The following CDH13 variants were observed in gnomAD, a reference collection of about 807,000 sequenced individuals.
CDH13 encodes cadherin 13.
A neutral mutation model predicts 63.8 loss-of-function variants in CDH13; 24 were observed. The ratio of observed to expected loss-of-function variants is 0.38; its 90% CI spans 0.27 to 0.53. The LOEUF (loss-of-function observed/expected upper bound fraction) is 0.53. CDH13 is among the 20% of genes least tolerant of loss of function. The probability of loss-of-function intolerance (pLI) is 0.85; values close to 1 mark genes in which losing one functional copy is unlikely to be tolerated. For synonymous variants in CDH13, 503 were observed against 355.3 expected (o/e 1.42, Z -4.67); for missense variants, 1,049 against 903.1 (o/e 1.16, Z -2.07).
At chr16:82,833,886 G>A (rs1417013477) in intron 1 of CDH13, among the ~76,000 whole-genome samples, 1 of 152,158 alleles carries the variant, frequency 6.6e-6, no homozygotes, top group Non-Finnish European at 1.5e-5. Flanking sequence ...TGTGAGCCCA[G>A]AGCAGATGCA....
At chr16:83,041,263 G>A (rs908079854) in intron 3 of CDH13, among the ~76,000 whole-genome samples, 4 of 152,074 alleles carry the variant, frequency 2.6e-5, no homozygotes, top group African/African-American at 9.7e-5. Flanking sequence ...AAGAAGAAAA[G>A]TTATGACAGA....
At chr16:83,622,736 T>C (rs1257868940) in intron 8 of CDH13, among the ~76,000 whole-genome samples, 2 of 152,162 alleles carry the variant, frequency 1.3e-5, no homozygotes, top group Non-Finnish European at 2.9e-5. Flanking sequence ...GTTACTGCAG[T>C]TTCAGAATCA....
chr16:83,367,718 G>C (rs1012109546), intron 6 of CDH13, among the ~76,000 whole-genome samples: 17 of 152,114 alleles, frequency 1.1e-4, no homozygotes, highest in African/African-American at 4.1e-4. Context: ...TTGTGGTTTT[G>C]ATCTGATTTC....
intron 7 of CDH13, among the ~76,000 whole-genome samples, chr16:83,529,066 AC>A (rs2075025111): frequency 6.8e-6 from 1 of 147,970 alleles, no homozygotes; most frequent in South Asian, 2.2e-4. Flanking sequence ...TTCCACCCAA[AC>A]CCCCTCCCCA....
chr16:83,057,114 G>A (rs1181188901), intron 3 of CDH13, among the ~76,000 whole-genome samples: 6 of 151,950 alleles, frequency 3.9e-5, no homozygotes, highest in African/African-American at 1.2e-4. Context: ...TTACAGGCAC[G>A]TGCCACCACA....
intron 1 of CDH13, among the ~76,000 whole-genome samples, chr16:82,850,476 G>T (rs898673849): frequency 2.6e-5 from 4 of 152,198 alleles, no homozygotes; most frequent in African/African-American, 4.8e-5. Context: ...TCTTGAGATG[G>T]AATCTAATCC....
chr16:83,308,480 A>G (rs929882309), intron 5 of CDH13, among the ~76,000 whole-genome samples: 13 of 152,230 alleles, frequency 8.5e-5, no homozygotes, highest in African/African-American at 2.7e-4. Context: ...TGAGAATTAC[A>G]TTTACTCTCC....
At chr16:83,719,796 C>T (rs1419524590) in intron 10 of CDH13, among the ~76,000 whole-genome samples, 1 of 152,188 alleles carries the variant, frequency 6.6e-6, no homozygotes, top group Non-Finnish European at 1.5e-5. Context: ...CCCTCTCCAT[C>T]ACACACAGCC....
intron 6 of CDH13, among the ~76,000 whole-genome samples, chr16:83,407,587 G>A (rs2092066623): frequency 1.3e-5 from 2 of 152,134 alleles, no homozygotes; most frequent in Admixed American, 1.3e-4. Context: ...GCCTATAATT[G>A]CAAATTGAGT....
intron 7 of CDH13, among the ~76,000 whole-genome samples, chr16:83,577,309 T>C (rs1208004477): frequency 2.0e-5 from 3 of 152,210 alleles, no homozygotes; most frequent in Admixed American, 6.5e-5. Context: ...AAGAGAGGAA[T>C]AGGAGAAGAT....
chr16:83,327,528 A>G (rs1380117003), intron 5 of CDH13, among the ~76,000 whole-genome samples: 1 of 152,176 alleles, frequency 6.6e-6, no homozygotes, highest in East Asian at 1.9e-4. Flanking sequence ...TTTGAAAGGC[A>G]CTTGTTCTAT....
At chr16:82,943,168 C>T (rs765327115) in intron 2 of CDH13, among the ~76,000 whole-genome samples, 7 of 152,214 alleles carry the variant, frequency 4.6e-5, no homozygotes, top group Non-Finnish European at 7.3e-5. Flanking sequence ...TCATCTCCCA[C>T]TTACTGAGCT....
At chr16:83,148,359 A>G (rs901773663) in intron 4 of CDH13, among the ~76,000 whole-genome samples, 1 of 151,276 alleles carries the variant, frequency 6.6e-6, no homozygotes, top group Non-Finnish European at 1.5e-5. Context: ...ACATGTAGAC[A>G]ACATGGGTGG....
rs1407853776 is a variant in CDH13 at position 83,796,311 on chromosome 16, C to T, written c.*1281C>T. On this transcript the variant is annotated 3_prime_UTR_variant, in exon 14 of 14. Coordinates refer to ENST00000567109, the MANE Select transcript of CDH13 (RefSeq NM_001257.5). The stretch of plus-strand genomic sequence containing the variant: ...TGTGGCTTTTTATTAGAGCTCGCCA[C>T]GAACTAGGGTAAGGTGAGTGTCTTA... The T allele has an allele frequency of 2.0e-5, 3 of 152,178 alleles. No individual in the cohort carries two copies. The highest frequency in any genetic ancestry group is 4.4e-5 in the Non-Finnish European group (3 of 68,040). 9.4% of individuals were successfully genotyped at this position (152,178 alleles called of 1,614,324 possible). A position where few individuals can be genotyped will look rare whatever the true frequency, so the allele number is the denominator to read the frequency against.
rs1340038318 is a variant in CDH13 at position 83,276,216 on chromosome 16, T to A, written c.636+58719T>A. Among the ~76,000 whole-genome samples, 6 of 152,150 alleles carry A rather than the reference T, an allele frequency of 3.9e-5. No individual in the cohort carries two copies. In the South Asian group the frequency reaches 1.2e-3, roughly 32 times the overall value. ...CAACTCTGAGAACTTCTGCTTGATA[T>A]ATTTCATTTATCAAGCTGATATCTG... On this transcript the variant is annotated intron_variant, in intron 5 of 13. Transcript: ENST00000567109.
rs549393254 is a variant in CDH13 at position 83,134,956 on chromosome 16, C to G, written c.483+9455C>G. 9.9e-5 allele frequency among the ~76,000 whole-genome samples: 15 copies of G among 152,272 alleles called. No homozygotes were observed. The South Asian group carries it at 1.0e-3, about 11-fold the overall frequency. On this transcript the variant is annotated intron_variant, in intron 4 of 13. Coordinates refer to ENST00000567109, the MANE Select transcript of CDH13 (RefSeq NM_001257.5). ...TTCTCCATTTTAAAGGTTCCTAGAA[C>G]TTTATTGTTATTATGAACATCTGGC...
At chr16:83,453,846 C>CTG (rs2072950797) in intron 6 of CDH13, among the ~76,000 whole-genome samples, 1 of 152,168 alleles carries the variant, frequency 6.6e-6, no homozygotes, top group Non-Finnish European at 1.5e-5. Context: ...TTCAGGGGAC[C>CTG]ATATGTGCCT....
At chr16:82,895,579 C>T (rs538086572) in intron 2 of CDH13, among the ~76,000 whole-genome samples, 1 of 152,014 alleles carries the variant, frequency 6.6e-6, no homozygotes, top group Non-Finnish European at 1.5e-5. Flanking sequence ...ATATTATGCG[C>T]TGTATGGGTT....
At chr16:82,830,961 G>C (rs2038512759) in intron 1 of CDH13, among the ~76,000 whole-genome samples, 1 of 152,098 alleles carries the variant, frequency 6.6e-6, no homozygotes, top group Admixed American at 6.6e-5. Flanking sequence ...GGTATACAGA[G>C]GGTGCTTAGC....
Sources: gnomAD v4.1 joint callset for allele counts (sites outside exome capture counted in the v4.1 genomes callset) on GRCh38, gnomAD v4.1.1 for gene constraint, MANE v1.5 for transcripts, NCBI Gene and HGNC (gene_info 2026-07-23, HGNC 2026-07-21) for gene names.